SDK1: variants seen among roughly 807,000 people sequenced by gnomAD.
SDK1 encodes the protein sidekick cell adhesion molecule 1.
In SDK1, 157 loss-of-function variants were observed where a neutral mutation model predicts 245.5. The observed-to-expected ratio is 0.64, with a 90% CI of 0.56 to 0.73. The LOEUF (loss-of-function observed/expected upper bound fraction) is 0.73, where lower values mean the gene tolerates loss of function less well. Among genes scored for constraint, SDK1 ranks in the 30% least tolerant of loss-of-function variants. The probability of loss-of-function intolerance (pLI) is 0.00; values close to 1 mark genes in which losing one functional copy is unlikely to be tolerated. For synonymous variants in SDK1, 1,647 were observed against 1,278.5 expected, an observed-to-expected ratio of 1.29 and a Z score of -6.15; for missense variants, 3,583 against 3,002.3, an observed-to-expected ratio of 1.19 and a Z score of -4.52.
At chr7:3,926,838 C>T (rs1277196866) in intron 5 of SDK1, among the ~76,000 whole-genome samples, 1 of 152,236 alleles carries the variant, frequency 6.6e-6, no homozygotes, top group Non-Finnish European at 1.5e-5. Context: ...GTGACCCAGG[C>T]CACATCAGGC....
chr7:3,681,045 A>C (rs578191299), intron 4 of SDK1, among the ~76,000 whole-genome samples: 1 of 152,080 alleles, frequency 6.6e-6, no homozygotes, highest in Non-Finnish European at 1.5e-5. Context: ...GGGTTTCGCC[A>C]TGTTGGCCAG....
chr7:3,356,035 A>T (rs1780784402), intron 1 of SDK1, among the ~76,000 whole-genome samples: 1 of 152,224 alleles, frequency 6.6e-6, no homozygotes, highest in African/African-American at 2.4e-5. Flanking sequence ...TATAGGCCAT[A>T]GTTGCTGACA....
chr7:3,642,123 T>G lies in SDK1; in HGVS notation c.713+18T>G. Reference sequence around the variant, plus strand: ...AACAGAATGTAAGTTGCTCCAAACGTTAAAGCTTCAAATACAATTGTAATG... The same window carrying G: ...AACAGAATGTAAGTTGCTCCAAACGGTAAAGCTTCAAATACAATTGTAATG... On this transcript the variant is annotated intron_variant, in intron 4 of 44. Transcript: ENST00000404826. 2.5e-6 allele frequency: 4 copies of G among 1,612,378 alleles called. No individual in the cohort carries two copies. Among genetic ancestry groups the G allele is most frequent in the Non-Finnish European group, 3.4e-6 (4 of 1,178,730 alleles).
At chr7:3,826,639 G>A (rs139250571) in intron 5 of SDK1, among the ~76,000 whole-genome samples, 9 of 152,258 alleles carry the variant, frequency 5.9e-5, no homozygotes, top group Non-Finnish European at 7.4e-5. Flanking sequence ...TCCGGGCAAA[G>A]GTGAAACTGC....
intron 2 of SDK1, among the ~76,000 whole-genome samples, chr7:3,622,455 T>C (rs909144402): frequency 1.3e-5 from 2 of 152,234 alleles, no homozygotes; most frequent in Non-Finnish European, 2.9e-5. Context: ...CACTCCAGCC[T>C]GGGCTACAGA....
intron 5 of SDK1, among the ~76,000 whole-genome samples, chr7:3,880,217 A>G (rs774658437): frequency 3.3e-5 from 5 of 152,342 alleles, no homozygotes; most frequent in East Asian, 1.9e-4. Flanking sequence ...GTGGGCCTTC[A>G]TTGCTGACAA....
chr7:4,080,839 C>G (rs904593561), intron 22 of SDK1, among the ~76,000 whole-genome samples: 1 of 151,608 alleles, frequency 6.6e-6, no homozygotes, highest in African/African-American at 2.4e-5. Flanking sequence ...CACACGTACC[C>G]TAAAACTTAA....
intron 4 of SDK1, chr7:3,642,751 A>G (rs977840731): frequency 6.6e-6 from 1 of 152,232 alleles, no homozygotes; most frequent in African/African-American, 2.4e-5. Flanking sequence ...AAGTGATTAA[A>G]AAGAACACTT....
At chr7:3,885,925 T>C (rs1190633861) in intron 5 of SDK1, among the ~76,000 whole-genome samples, 1 of 152,194 alleles carries the variant, frequency 6.6e-6, no homozygotes, top group Non-Finnish European at 1.5e-5. Context: ...TCCCACTTAC[T>C]CCTAAGTTGA....
chr7:3,365,279 A>G (rs955176480), intron 1 of SDK1, among the ~76,000 whole-genome samples: 4 of 152,152 alleles, frequency 2.6e-5, no homozygotes, highest in Non-Finnish European at 4.4e-5. Flanking sequence ...TGAGTGAGTC[A>G]CTTTTCATCT....
intron 36 of SDK1, 127 bp downstream of exon 36, chr7:4,206,121 G>A (rs1213194239): frequency 6.8e-5 from 44 of 648,216 alleles, no homozygotes; most frequent in South Asian, 3.9e-4. Flanking sequence ...GGGCCCAAGC[G>A]TCGGAGCTTG....
At chr7:4,108,082 C>G (rs149283871) in intron 22 of SDK1, among the ~76,000 whole-genome samples, 176 of 152,326 alleles carry the variant, frequency 1.2e-3, no homozygotes, top group African/African-American at 4.0e-3. Context: ...TCAAGCCAAC[C>G]TGAGTGAGCT....
intron 1 of SDK1, among the ~76,000 whole-genome samples, chr7:3,369,514 G>T (rs1781171462): frequency 6.6e-6 from 1 of 152,162 alleles, no homozygotes; most frequent in Non-Finnish European, 1.5e-5. Flanking sequence ...CATACAGAGT[G>T]TTCTGATCCA....
At chr7:3,622,625 G>A (rs1199736460) in intron 2 of SDK1, among the ~76,000 whole-genome samples, 1 of 152,204 alleles carries the variant, frequency 6.6e-6, no homozygotes, top group East Asian at 1.9e-4. Context: ...AACACTCTTT[G>A]TATTCTTAAG....
intron 1 of SDK1, among the ~76,000 whole-genome samples, chr7:3,302,978 C>G (rs187869603): frequency 4.9e-4 from 75 of 152,132 alleles, no homozygotes; most frequent in African/African-American, 1.8e-3. Context: ...GGTCTGAGCT[C>G]AAAACTATCA....
At chr7:3,595,303 A>C (rs910376302) in intron 1 of SDK1, among the ~76,000 whole-genome samples, 11 of 152,214 alleles carry the variant, frequency 7.2e-5, no homozygotes, top group Middle Eastern at 3.4e-3. Flanking sequence ...CTTGTAAAAA[A>C]TTATATATAA....
At chr7:4,125,437 G>A (rs1053663649) in intron 25 of SDK1, among the ~76,000 whole-genome samples, 1 of 150,974 alleles carries the variant, frequency 6.6e-6, no homozygotes, top group Non-Finnish European at 1.5e-5. Context: ...ATGAGTGAAT[G>A]GATGAATGGG....
At chr7:3,338,518 G>A (rs186400661) in intron 1 of SDK1, 5 of 447,064 alleles carry the variant, frequency 1.1e-5, no homozygotes, top group Admixed American at 5.1e-5. Context: ...GAGCCAGCCT[G>A]TTCCCAGAGA....
intron 5 of SDK1, among the ~76,000 whole-genome samples, chr7:3,831,426 T>A (rs1275654147): frequency 6.6e-6 from 1 of 152,220 alleles, no homozygotes; most frequent in Non-Finnish European, 1.5e-5. Flanking sequence ...TAATTTCCCT[T>A]CCTTCAGAAT....
Sources: allele counts gnomAD v4.1 joint callset (sites outside exome capture counted in the v4.1 genomes callset), GRCh38; gene constraint gnomAD v4.1.1; transcripts MANE v1.5; gene names NCBI Gene and HGNC (gene_info 2026-07-23, HGNC 2026-07-21).